The following CCDC82 variants were observed in gnomAD, a reference collection of about 807,000 sequenced individuals.
The protein encoded by CCDC82 is coiled-coil domain-containing protein 82.
CCDC82 carries 47 observed loss-of-function variants against 60.6 expected under a neutral mutation model. The ratio of observed to expected loss-of-function variants is 0.77; its 90% CI spans 0.61 to 0.99. CCDC82 has a LOEUF of 0.99. Among genes scored for constraint, CCDC82 ranks in the 50% least tolerant of loss-of-function variants. CCDC82 has a pLI of 0.00. For missense variants in CCDC82, 588 were observed against 633.0 expected (o/e 0.93, Z 0.76); for synonymous variants, 212 against 207.4 (o/e 1.02, Z -0.19).
At chr11:96,377,757 CT>C (rs939243851) in intron 5 of CCDC82, among the ~76,000 whole-genome samples, 1 of 151,954 alleles carries the variant, frequency 6.6e-6, no homozygotes, top group African/African-American at 2.4e-5. Context: ...GATTAGGGAT[CT>C]TTTTCTTTAT....
At chr11:96,362,048 A>G (rs1199735533) in intron 8 of CCDC82, among the ~76,000 whole-genome samples, 1 of 152,212 alleles carries the variant, frequency 6.6e-6, no homozygotes, top group East Asian at 1.9e-4. Context: ...ACATATGTAA[A>G]AATTGGAAAT....
chr11:96,364,942 C>A (rs1864863887), intron 8 of CCDC82, 38 bp downstream of exon 8: 2 of 1,532,376 alleles, frequency 1.3e-6, no homozygotes, highest in Non-Finnish European at 1.8e-6. Context: ...ATAAAAATTT[C>A]TAAATACTGA....
rs560532174 is a variant in CCDC82 at position 96,356,340 on chromosome 11, AATT to A, written c.1567-2629_1567-2627del. On this transcript the variant is annotated intron_variant, in intron 9 of 9. Transcript: ENST00000646818. ...CAAGGGATATCTAATTATAATTTTA[AATT>A]ATTATGTATATGACAATATTTATCA... 9.4e-5 allele frequency: 59 copies of A among 624,662 alleles called. No individual in the cohort carries two copies. The East Asian group carries it at 7.4e-3, about 78-fold the overall frequency. The allele number at this position is 624,662 out of a possible 1,614,324, so 38.7% of individuals were successfully genotyped here. A position where few individuals can be genotyped will look rare whatever the true frequency, so the allele number is the denominator to read the frequency against.
Position 96,353,265 on chromosome 11 carries a change from G to T in CCDC82, c.*381C>A, listed in dbSNP as rs1487149223. On this transcript the variant is annotated 3_prime_UTR_variant, in exon 10 of 10. Transcript: ENST00000646818. ...ATTTAATACTGTAAAAGAATAAACA[G>T]ATCTGGACAGGAATTCCGTAAAAAT... 1 of 173,010 alleles carries T rather than the reference G, an allele frequency of 5.8e-6. No individual in the cohort carries two copies. Among genetic ancestry groups the T allele is most frequent in the African/African-American group, 2.4e-5 (1 of 41,616 alleles). The allele number at this position is 173,010 out of a possible 1,614,324, so 10.7% of individuals were successfully genotyped here.
rs866582191 is a variant in CCDC82, at chr11:96,365,127, A to G, written c.1233T>C (p.Asn411=). The G allele has an allele frequency of 2.4e-5, 38 of 1,575,090 alleles. No individual in the cohort carries two copies. Among genetic ancestry groups the G allele is most frequent in the Non-Finnish European group, 2.9e-5 (34 of 1,161,736 alleles). Residue 411 remains asparagine (N), a synonymous_variant, in exon 8 of 10, where the codon AAT becomes AAC. Coordinates refer to ENST00000646818, the MANE Select transcript of CCDC82 (RefSeq NM_024725.4). The stretch of plus-strand genomic sequence containing the variant: ...CAGGATTCTTCAAATGAATACTTAC[A>G]TTAGAATAATTTTCTACTCGCTCCT... ...QYKERVENYS[N]VSIHLKNPEN...
chr11:96,353,622 A>C lies in CCDC82; in HGVS notation c.*24T>G. On this transcript the variant is annotated 3_prime_UTR_variant, in exon 10 of 10. Transcript: ENST00000646818. The stretch of plus-strand genomic sequence containing the variant: ...GATCTTCACATTTACAGGAATTTAA[A>C]AAATCTTCTCTGATGGAAATGTGTT... 2 of 1,556,028 alleles carry C rather than the reference A, an allele frequency of 1.3e-6. No homozygotes were observed. The highest frequency in any genetic ancestry group is 1.8e-6 in the Non-Finnish European group (2 of 1,130,142).
At chr11:96,374,358 G>A (rs1162628995) in intron 5 of CCDC82, among the ~76,000 whole-genome samples, 1 of 152,092 alleles carries the variant, frequency 6.6e-6, no homozygotes. Context: ...AGAAAGATGG[G>A]ATTCAACATG....
intron 3 of CCDC82, chr11:96,385,182 T>C (rs1407922812): frequency 1.3e-5 from 2 of 155,872 alleles, no homozygotes; most frequent in African/African-American, 2.4e-5. Context: ...CTTCACTTTA[T>C]CTTGAACAGA....
chr11:96,366,941 T>C (rs942177137), intron 7 of CCDC82, among the ~76,000 whole-genome samples: 2 of 152,234 alleles, frequency 1.3e-5, no homozygotes, highest in African/African-American at 4.8e-5. Context: ...ATAAAAGTTA[T>C]GTTTACACTG....
chr11:96,371,757 T>C (rs1283373276), intron 6 of CCDC82, among the ~76,000 whole-genome samples: 1 of 152,234 alleles, frequency 6.6e-6, no homozygotes, highest in Non-Finnish European at 1.5e-5. Flanking sequence ...CCGTCTACAA[T>C]TGACTCCATT....
intron 8 of CCDC82, among the ~76,000 whole-genome samples, chr11:96,359,596 G>GA (rs971629008): frequency 3.2e-5 from 3 of 94,410 alleles, no homozygotes; most frequent in East Asian, 6.2e-4. Flanking sequence ...AAGTTCGGGG[G>GA]AAAAAAGAGA....
intron 7 of CCDC82, among the ~76,000 whole-genome samples, chr11:96,368,483 G>T (rs1865067531): frequency 6.6e-6 from 1 of 152,096 alleles, no homozygotes; most frequent in Admixed American, 6.6e-5. Flanking sequence ...CTTCAACTTA[G>T]GTCACCAGCT....
At chr11:96,357,437 A>C (rs955410975) in intron 9 of CCDC82, 20 of 985,166 alleles carry the variant, frequency 2.0e-5, no homozygotes, top group Admixed American at 6.1e-5. Context: ...CTTGAAAAGA[A>C]AGCCTAAGCT....
intron 9 of CCDC82, chr11:96,357,137 G>A: frequency 8.1e-6 from 8 of 985,484 alleles, no homozygotes; most frequent in Non-Finnish European, 9.6e-6. Context: ...GGGACAGACA[G>A]AGTGAGGATG....
intron 5 of CCDC82, among the ~76,000 whole-genome samples, chr11:96,374,583 C>T (rs1442463397): frequency 6.6e-6 from 1 of 152,114 alleles, no homozygotes; most frequent in Non-Finnish European, 1.5e-5. Context: ...TAATCATGGC[C>T]TTTAATGAAT....
At chr11:96,356,907 G>C (rs1041497403) in intron 9 of CCDC82, 2 of 985,260 alleles carry the variant, frequency 2.0e-6, no homozygotes, top group Admixed American at 1.2e-4. Context: ...AATACAAGCT[G>C]GAGGCAGAAA....
At chr11:96,372,709 T>TAC (rs1865347503) in intron 6 of CCDC82, among the ~76,000 whole-genome samples, 1 of 144,890 alleles carries the variant, frequency 6.9e-6, no homozygotes, top group South Asian at 2.1e-4. Flanking sequence ...AATATATATA[T>TAC]ACATATATAT....
chr11:96,382,586 G>A (rs190367871), intron 5 of CCDC82: 15 of 151,780 alleles, frequency 9.9e-5, no homozygotes, highest in African/African-American at 3.1e-4. Flanking sequence ...TAAACTGCAC[G>A]ACAGACCAAT....
intron 8 of CCDC82, 140 bp from the exon 9 acceptor site, chr11:96,359,318 T>C (rs1036920021): frequency 3.0e-6 from 2 of 664,424 alleles, no homozygotes; most frequent in Admixed American, 7.6e-5. Context: ...CTCTTACTTA[T>C]ACAACTAGTC....
Sources: allele counts gnomAD v4.1 joint callset (sites outside exome capture counted in the v4.1 genomes callset), GRCh38; gene constraint gnomAD v4.1.1; transcripts MANE v1.5; gene names NCBI Gene and HGNC (gene_info 2026-07-23, HGNC 2026-07-21).